ABCG2: variants seen among roughly 807,000 people sequenced by gnomAD.
The protein encoded by ABCG2 is ATP binding cassette subfamily G member 2 (JR blood group).
A neutral mutation model predicts 73.5 loss-of-function variants in ABCG2; 80 were observed. The observed-to-expected ratio is 1.09, with a 90% CI of 0.91 to 1.31. The LOEUF (loss-of-function observed/expected upper bound fraction) is 1.31. Ranked by LOEUF, ABCG2 falls within the 50% of genes most tolerant of loss-of-function variation. The pLI, the probability that ABCG2 is intolerant of heterozygous loss-of-function variation, is 0.00. For missense variants in ABCG2, 796 were observed against 786.2 expected (o/e 1.01, Z -0.15); for synonymous variants, 269 against 282.4 (o/e 0.95, Z 0.48).
chr4:88,095,695 C>G, intron 13 of ABCG2, 86 bp from the exon 14 acceptor site: 1 of 1,043,110 alleles, frequency 9.6e-7, no homozygotes, highest in South Asian at 1.4e-5. Context: ...GTCCCTACCA[C>G]TTTGTAAGTA....
intron 1 of ABCG2, among the ~76,000 whole-genome samples, chr4:88,225,721 T>C (rs1198334422): frequency 1.3e-5 from 2 of 152,170 alleles, no homozygotes; most frequent in Non-Finnish European, 2.9e-5. Context: ...ACTGCCTTAG[T>C]GTATTAGTCC....
rs192172534 is a variant in ABCG2, at chr4:88,165,799, G to A, written c.-19-25785C>T. On this transcript the variant is annotated intron_variant, in intron 1 of 15. Transcript: ENST00000515655. ...TGAGGCAGGAGAATCGCTTGAACCC[G>A]GGAGGCGGAGGTTGTGGTGAGCCAA... Among the ~76,000 whole-genome samples the A allele has an allele frequency of 7.9e-3, 1,196 of 152,114 alleles. 15 individuals are homozygous for A. The highest frequency in any genetic ancestry group is 0.027 in the African/African-American group (1,102 of 41,504).
intron 9 of ABCG2, among the ~76,000 whole-genome samples, chr4:88,112,002 G>A (rs186990609): frequency 1.3e-4 from 20 of 151,822 alleles, no homozygotes; most frequent in Non-Finnish European, 2.6e-4. Context: ...TGTGAGGATC[G>A]CTTGAGCCAA....
chr4:88,204,313 C>A (rs367768186), intron 1 of ABCG2, among the ~76,000 whole-genome samples: 1 of 151,660 alleles, frequency 6.6e-6, no homozygotes, highest in African/African-American at 2.4e-5. Flanking sequence ...CCCAGCTACT[C>A]GGGAGGCTGA....
chr4:88,153,060 G>C (rs538377544), intron 1 of ABCG2, among the ~76,000 whole-genome samples: 2 of 152,116 alleles, frequency 1.3e-5, no homozygotes, highest in Admixed American at 1.3e-4. Context: ...AGAATTGGGA[G>C]GACCCAGGAC....
At chr4:88,169,928 T>G (rs1240620672) in intron 1 of ABCG2, among the ~76,000 whole-genome samples, 1 of 152,030 alleles carries the variant, frequency 6.6e-6, no homozygotes, top group African/African-American at 2.4e-5. Context: ...CTGGCCAACA[T>G]GGTGAAACCC....
intron 1 of ABCG2, among the ~76,000 whole-genome samples, chr4:88,150,002 GA>G (rs35423223): frequency 2.0e-5 from 3 of 151,756 alleles, no homozygotes; most frequent in Middle Eastern, 3.4e-3. Flanking sequence ...GTGCTACGGA[GA>G]AAAAAAATTA....
At chr4:88,167,177 C>A (rs59409230) in intron 1 of ABCG2, among the ~76,000 whole-genome samples, 53,332 of 151,206 alleles carry the variant, frequency 0.35, 10,304 homozygotes, top group African/African-American at 0.51. Flanking sequence ...CTCTAAAGAA[C>A]CAAGCAGAGT....
At chr4:88,197,041 T>C (rs564512223) in intron 1 of ABCG2, among the ~76,000 whole-genome samples, 13 of 151,968 alleles carry the variant, frequency 8.6e-5, no homozygotes, top group Admixed American at 6.6e-4. Flanking sequence ...ACTGTGAAAT[T>C]CACAGCCTAG....
chr4:88,167,105 G>A (rs1727552019), intron 1 of ABCG2, among the ~76,000 whole-genome samples: 2 of 147,520 alleles, frequency 1.4e-5, no homozygotes, highest in Admixed American at 7.0e-5. Context: ...CTTTGCTCAG[G>A]GTATCAACAG....
At chr4:88,189,772 T>A (rs1728609170) in intron 1 of ABCG2, among the ~76,000 whole-genome samples, 1 of 152,210 alleles carries the variant, frequency 6.6e-6, no homozygotes, top group Non-Finnish European at 1.5e-5. Flanking sequence ...GCTAATACCA[T>A]GTTGAATGTA....
chr4:88,218,901 T>G (rs938079102), intron 1 of ABCG2, among the ~76,000 whole-genome samples: 1 of 152,218 alleles, frequency 6.6e-6, no homozygotes, highest in Non-Finnish European at 1.5e-5. Context: ...TTGTGGGCCA[T>G]GCAGTCTTTT....
In ABCG2 at chr4:88,155,285, C is replaced by T. The variant is rs1311116042; in HGVS notation, c.-20+3101G>A. Among the ~76,000 whole-genome samples, 13 of 152,080 alleles carry T rather than the reference C, an allele frequency of 8.5e-5. 1 individual carries two copies. The highest frequency in any genetic ancestry group is 8.5e-4 in the Admixed American group (13 of 15,282). On this transcript the variant is annotated intron_variant, in intron 1 of 15. Coordinates refer to ENST00000237612, the MANE Select transcript of ABCG2 (RefSeq NM_004827.3). Reference sequence around the variant, plus strand: ...TAGAAGGTGTTGGGGTTTGAGAGATCAGTCAGACACGATTGGCAGGGAGAG... The same window carrying T: ...TAGAAGGTGTTGGGGTTTGAGAGATTAGTCAGACACGATTGGCAGGGAGAG...
Position 88,094,459 on chromosome 4 carries a change from G to A in ABCG2, c.1820+118C>T, listed in dbSNP as rs571847145. On this transcript the variant is annotated intron_variant, in intron 15 of 15. Coordinates refer to ENST00000237612, the MANE Select transcript of ABCG2 (RefSeq NM_004827.3). Reference sequence around the variant, plus strand: ...CAACTCACTTTATGGATGAGAAAACGTAGGCTCGGAAAAATTCAGTGCCCC... The same window carrying A: ...CAACTCACTTTATGGATGAGAAAACATAGGCTCGGAAAAATTCAGTGCCCC... 21 of 784,206 alleles carry A rather than the reference G, an allele frequency of 2.7e-5. No homozygotes were observed. In the Admixed American group the frequency reaches 2.8e-4, roughly 10 times the overall value. The allele number at this position is 784,206 out of a possible 1,614,324, so 48.6% of individuals were successfully genotyped here.
At chr4:88,211,358 G>GTCCCC (rs1553900212) in intron 1 of ABCG2, among the ~76,000 whole-genome samples, 1 of 33,648 alleles carries the variant, frequency 3.0e-5, no homozygotes, top group African/African-American at 1.1e-4. Context: ...TTCAACCCCT[G>GTCCCC]CCCCACCCCC....
chr4:88,129,238 G>A (rs557200194), intron 5 of ABCG2, among the ~76,000 whole-genome samples: 31 of 152,024 alleles, frequency 2.0e-4, no homozygotes, highest in Middle Eastern at 3.4e-3. Flanking sequence ...TATACCTAAG[G>A]TTAATAACTG....
At chr4:88,133,965 T>A (rs1578212885) in intron 2 of ABCG2, among the ~76,000 whole-genome samples, 1 of 150,520 alleles carries the variant, frequency 6.6e-6, no homozygotes, top group East Asian at 1.9e-4. Context: ...GTCATTGTAC[T>A]CCAGCCTGGG....
rs149457894 is a variant in ABCG2 at position 88,118,218 on chromosome 4, C to T, written c.732G>A (p.Gln244=). ...QGRTIIFSIH[Q]PRYSIFKLFD... is the part of the protein sequence containing the mutation. ...ACAACTTGAAGATGGAATATCGAGG[C>T]TGATGAATGGAGAAGATGATTGTTC... Residue 244 remains glutamine, a synonymous_variant, in exon 7 of 16, where the codon CAG becomes CAA. Transcript: ENST00000237612. 3 of 1,614,142 alleles carry T rather than the reference C, an allele frequency of 1.9e-6. No individual in the cohort carries two copies. The highest frequency in any genetic ancestry group is 2.5e-6 in the Non-Finnish European group (3 of 1,180,004).
chr4:88,136,137 G>T (rs1306048053), intron 2 of ABCG2, among the ~76,000 whole-genome samples: 2 of 152,232 alleles, frequency 1.3e-5, no homozygotes, highest in Admixed American at 6.5e-5. Flanking sequence ...TGCGGGAATG[G>T]TCACCACTGC....
Sources: gnomAD v4.1 joint callset for allele counts (sites outside exome capture counted in the v4.1 genomes callset) on GRCh38, gnomAD v4.1.1 for gene constraint, MANE v1.5 for transcripts, NCBI Gene and HGNC (gene_info 2026-07-23, HGNC 2026-07-21) for gene names.